LRRC7: variants seen among roughly 807,000 people sequenced by gnomAD.
LRRC7 encodes leucine rich repeat containing 7.
LRRC7 carries 23 observed loss-of-function variants against 175.7 expected under a neutral mutation model. That is an observed-to-expected ratio of 0.13 (90% CI 0.09 to 0.19). The LOEUF is 0.19. LRRC7 is among the 10% of genes least tolerant of loss of function. LRRC7 has a pLI of 1.00. For missense variants in LRRC7, 1,354 were observed against 1,904.7 expected, an observed-to-expected ratio of 0.71 and a Z score of 5.38; for synonymous variants, 685 against 680.9, an observed-to-expected ratio of 1.01 and a Z score of -0.09.
intron 11 of LRRC7, 145 bp downstream of exon 11, chr1:69,994,778 ATATATATTTGTGTATATCT>A: frequency 2.0e-6 from 1 of 512,560 alleles, no homozygotes; most frequent in East Asian, 3.1e-5. Flanking sequence ...TATTTTATTT[ATATATATTTGTGTATATCT>A]TAATTTTATA....
At chr1:69,598,013 A>T (rs998790165) in intron 1 of LRRC7, among the ~76,000 whole-genome samples, 2 of 152,170 alleles carry the variant, frequency 1.3e-5, no homozygotes, top group African/African-American at 2.4e-5. Context: ...ACCAAACAGA[A>T]TTTTTAAAGT....
intron 1 of LRRC7, among the ~76,000 whole-genome samples, chr1:69,593,325 TAAC>T (rs1392294803): frequency 6.6e-6 from 1 of 152,150 alleles, no homozygotes; most frequent in East Asian, 1.9e-4. Flanking sequence ...TATTTAGTAA[TAAC>T]AAAACAATAT....
At chr1:69,899,788 C>T (rs562783371) in intron 7 of LRRC7, among the ~76,000 whole-genome samples, 2 of 152,284 alleles carry the variant, frequency 1.3e-5, no homozygotes, top group South Asian at 4.1e-4. Context: ...AAAGCGGCTT[C>T]GTGCAGCTCT....
intron 4 of LRRC7, among the ~76,000 whole-genome samples, chr1:69,812,778 A>G (rs764652186): frequency 1.3e-5 from 2 of 152,186 alleles, no homozygotes; most frequent in Non-Finnish European, 2.9e-5. Flanking sequence ...GTATTGATTT[A>G]TACAAAAATT....
chr1:69,641,662 G>A lies in LRRC7; in HGVS notation c.3-36719G>A, dbSNP rs571066309. Among the ~76,000 whole-genome samples, 6 of 151,100 alleles carry A rather than the reference G, an allele frequency of 4.0e-5. No homozygotes were observed. In the South Asian group the frequency reaches 1.0e-3, roughly 26 times the overall value. ...ACCAAAATAATCAACTTGCTTTTCG[G>A]GCAAAAGAGAACTAGAAGCTGAAAA... On this transcript the variant is annotated intron_variant, in intron 1 of 26. Coordinates refer to ENST00000651989, the MANE Select transcript of LRRC7 (RefSeq NM_001370785.2).
chr1:69,791,504 G>C (rs1675118257), intron 3 of LRRC7, among the ~76,000 whole-genome samples: 1 of 152,028 alleles, frequency 6.6e-6, no homozygotes, highest in Non-Finnish European at 1.5e-5. Flanking sequence ...CCAAATATCA[G>C]AGGTTAAATG....
intron 7 of LRRC7, among the ~76,000 whole-genome samples, chr1:69,849,033 C>T (rs528178061): frequency 1.3e-5 from 2 of 152,096 alleles, no homozygotes; most frequent in South Asian, 4.2e-4. Flanking sequence ...CTTTGCATTT[C>T]TATTCCTTTT....
chr1:69,783,120 G>C (rs1435251858), intron 3 of LRRC7, among the ~76,000 whole-genome samples: 1 of 152,056 alleles, frequency 6.6e-6, no homozygotes, highest in Non-Finnish European at 1.5e-5. Flanking sequence ...ATATGCTTCT[G>C]AGCCTTTCTT....
chr1:69,921,943 G>C (rs1646901019), intron 7 of LRRC7, among the ~76,000 whole-genome samples: 1 of 151,722 alleles, frequency 6.6e-6, no homozygotes, highest in South Asian at 2.1e-4. Flanking sequence ...TTGTTTGTTT[G>C]AGACGAATTC....
intron 5 of LRRC7, among the ~76,000 whole-genome samples, chr1:69,833,712 C>A (rs1050734716): frequency 1.3e-5 from 2 of 151,926 alleles, no homozygotes; most frequent in Admixed American, 6.6e-5. Context: ...GCAACTGTTG[C>A]TAGGCAGCGT....
chr1:70,098,080 A>C (rs1664541465), intron 25 of LRRC7, among the ~76,000 whole-genome samples: 1 of 151,986 alleles, frequency 6.6e-6, no homozygotes, highest in African/African-American at 2.4e-5. Context: ...TCCCACCAAC[A>C]GTGTAAAAGT....
intron 7 of LRRC7, among the ~76,000 whole-genome samples, chr1:69,902,506 G>A (rs2101671886): frequency 6.6e-6 from 1 of 152,274 alleles, no homozygotes; most frequent in African/African-American, 2.4e-5. Flanking sequence ...AGGAGGTGGA[G>A]GTTGCAGTGA....
At chr1:69,622,469 T>C (rs1414659555) in intron 1 of LRRC7, among the ~76,000 whole-genome samples, 1 of 152,192 alleles carries the variant, frequency 6.6e-6, no homozygotes, top group Non-Finnish European at 1.5e-5. Context: ...GGCCCTACCA[T>C]CTCTGATATG....
At chr1:69,644,150 T>G (rs1430613061) in intron 1 of LRRC7, among the ~76,000 whole-genome samples, 1 of 152,108 alleles carries the variant, frequency 6.6e-6, no homozygotes, top group East Asian at 1.9e-4. Flanking sequence ...GGATATAGCA[T>G]TCTATAAATA....
chr1:69,972,386 G>A (rs1450339927), intron 8 of LRRC7, among the ~76,000 whole-genome samples: 2 of 152,134 alleles, frequency 1.3e-5, no homozygotes, highest in Non-Finnish European at 2.9e-5. Flanking sequence ...AAGGACTAAT[G>A]TGCAGAATCT....
chr1:69,927,672 G>C (rs1180870513), intron 7 of LRRC7, among the ~76,000 whole-genome samples: 4 of 152,040 alleles, frequency 2.6e-5, no homozygotes, highest in East Asian at 3.9e-4. Context: ...CTCCTTTAAG[G>C]ACTTCTCTGT....
At position 69,709,375 on chromosome 1, in the gene LRRC7, A is replaced by C. The variant is rs528937905; in HGVS notation, c.100+30897A>C. On this transcript the variant is annotated intron_variant, in intron 2 of 26. Coordinates refer to ENST00000651989, the MANE Select transcript of LRRC7 (RefSeq NM_001370785.2). ...TTTTTTATTATGTTCACCCATCATT[A>C]ACCAAACTTTCAGTCACATGGCCAC... Among the ~76,000 whole-genome samples the C allele has an allele frequency of 2.5e-3, 383 of 152,308 alleles. 1 individual carries two copies. The highest frequency in any genetic ancestry group is 8.8e-3 in the African/African-American group (367 of 41,570).
chr1:69,851,917 G>A (rs951875325), intron 7 of LRRC7, among the ~76,000 whole-genome samples: 18 of 152,150 alleles, frequency 1.2e-4, no homozygotes, highest in Non-Finnish European at 2.4e-4. Context: ...AGGGGACAAG[G>A]AAACATAGGT....
chr1:69,651,392 A>C (rs1461898717), intron 1 of LRRC7, among the ~76,000 whole-genome samples: 1 of 152,180 alleles, frequency 6.6e-6, no homozygotes, highest in East Asian at 1.9e-4. Flanking sequence ...GGACCTTTGC[A>C]AATCCAATTA....
Sources: allele counts gnomAD v4.1 joint callset (sites outside exome capture counted in the v4.1 genomes callset), GRCh38; gene constraint gnomAD v4.1.1; transcripts MANE v1.5; gene names NCBI Gene and HGNC (gene_info 2026-07-23, HGNC 2026-07-21).